DEPTOR: variants seen among roughly 807,000 people sequenced by gnomAD.
DEPTOR encodes DEP domain containing MTOR interacting protein.
In DEPTOR, 41 loss-of-function variants were observed where a neutral mutation model predicts 41.6. The observed-to-expected ratio is 0.98, with a 90% CI of 0.77 to 1.28. DEPTOR has a LOEUF of 1.28. DEPTOR is among the 50% of genes most tolerant of loss of function. The pLI is 0.00. For missense variants in DEPTOR, 514 were observed against 527.9 expected (o/e 0.97, Z 0.26); for synonymous variants, 195 against 192.3 (o/e 1.01, Z -0.12).
chr8:119,883,779 C>A (rs550593617), intron 1 of DEPTOR, among the ~76,000 whole-genome samples: 1 of 152,162 alleles, frequency 6.6e-6, no homozygotes, highest in Non-Finnish European at 1.5e-5. Context: ...GATATTTACC[C>A]GGAAGCTCTC....
chr8:119,960,680 G>A (rs547256767), intron 3 of DEPTOR, among the ~76,000 whole-genome samples: 1 of 152,238 alleles, frequency 6.6e-6, no homozygotes, highest in South Asian at 2.1e-4. Context: ...GCTGGGTAAG[G>A]ATACCATTAT....
chr8:119,901,496 G>A (rs995867951), intron 1 of DEPTOR, among the ~76,000 whole-genome samples: 4 of 151,974 alleles, frequency 2.6e-5, no homozygotes, highest in African/African-American at 9.7e-5. Flanking sequence ...CTAACACAGT[G>A]AAGCCCCATC....
At chr8:119,952,070 G>T (rs967599958) in intron 3 of DEPTOR, among the ~76,000 whole-genome samples, 9 of 152,248 alleles carry the variant, frequency 5.9e-5, no homozygotes, top group Admixed American at 5.2e-4. Context: ...AGGAGGTAGA[G>T]GTTGCAGTGA....
At chr8:119,983,528 G>A (rs926143830) in intron 4 of DEPTOR, among the ~76,000 whole-genome samples, 2 of 152,048 alleles carry the variant, frequency 1.3e-5, no homozygotes, top group Non-Finnish European at 2.9e-5. Context: ...GGGATTACAG[G>A]TGCCCGCCAC....
At chr8:119,876,840 C>T (rs74791077) in intron 1 of DEPTOR, among the ~76,000 whole-genome samples, 4,495 of 152,210 alleles carry the variant, frequency 0.03, 71 homozygotes, top group Non-Finnish European at 0.04. Flanking sequence ...TTGAAAAAGA[C>T]AATGAAGATG....
intron 7 of DEPTOR, among the ~76,000 whole-genome samples, chr8:120,008,643 A>T (rs1326374508): frequency 1.3e-5 from 2 of 152,004 alleles, no homozygotes; most frequent in Non-Finnish European, 2.9e-5. Context: ...GATACTGGGG[A>T]AAAGAACAAA....
At chr8:120,009,179 C>T (rs887758973) in intron 8 of DEPTOR, 46 bp downstream of exon 8, 1 of 1,537,156 alleles carries the variant, frequency 6.5e-7, no homozygotes, top group African/African-American at 1.4e-5. Flanking sequence ...GTCTTGGGTT[C>T]TTCATGCTAA....
At chr8:119,976,507 G>A (rs942812830) in intron 4 of DEPTOR, among the ~76,000 whole-genome samples, 16 of 152,080 alleles carry the variant, frequency 1.1e-4, no homozygotes, top group African/African-American at 3.9e-4. Flanking sequence ...AGCTTTCTTT[G>A]AATAGAAGCA....
chr8:119,955,459 A>AT (rs1219797270), intron 3 of DEPTOR, among the ~76,000 whole-genome samples: 5 of 150,564 alleles, frequency 3.3e-5, no homozygotes, highest in Non-Finnish European at 5.9e-5. Flanking sequence ...TTTTGACATA[A>AT]TTTTTTTCCT....
intron 1 of DEPTOR, among the ~76,000 whole-genome samples, chr8:119,900,667 A>G (rs914391575): frequency 6.6e-6 from 1 of 151,934 alleles, no homozygotes; most frequent in Non-Finnish European, 1.5e-5. Flanking sequence ...AGGATTACAG[A>G]TGTGAATCAG....
chr8:119,874,204 G>T (rs1464347812), intron 1 of DEPTOR: 1 of 589,388 alleles, frequency 1.7e-6, no homozygotes, highest in African/African-American at 2.0e-5. Flanking sequence ...CGGGTGGTGC[G>T]CGCTGCGCCC....
intron 4 of DEPTOR, among the ~76,000 whole-genome samples, chr8:119,966,069 T>G (rs2129970675): frequency 6.6e-6 from 1 of 152,360 alleles, no homozygotes; most frequent in East Asian, 1.9e-4. Flanking sequence ...TTCATCATTA[T>G]TCCCTAAACA....
At chr8:119,933,083 G>A (rs984832143) in intron 3 of DEPTOR, among the ~76,000 whole-genome samples, 3 of 152,004 alleles carry the variant, frequency 2.0e-5, no homozygotes, top group Admixed American at 6.6e-5. Context: ...GAGGGAGTGG[G>A]GAAGTGGCAA....
At chr8:120,031,194 C>T (rs1382892068) in intron 8 of DEPTOR, among the ~76,000 whole-genome samples, 2 of 151,918 alleles carry the variant, frequency 1.3e-5, no homozygotes, top group Non-Finnish European at 2.9e-5. Flanking sequence ...AAGCCAGGCA[C>T]AGTGGCTCAT....
At chr8:119,924,831 G>A (rs9297607) in intron 1 of DEPTOR, among the ~76,000 whole-genome samples, 42,816 of 151,888 alleles carry the variant, frequency 0.28, 6,464 homozygotes, top group Middle Eastern at 0.39. Context: ...AGATTATTTC[G>A]CCACCCAGGT....
intron 4 of DEPTOR, among the ~76,000 whole-genome samples, chr8:119,977,288 C>T (rs535887057): frequency 6.6e-6 from 1 of 152,136 alleles, no homozygotes; most frequent in Admixed American, 6.6e-5. Context: ...CAGGCATGAG[C>T]CACTGCACAT....
chr8:119,902,476 A>T (rs1827607497), intron 1 of DEPTOR, among the ~76,000 whole-genome samples: 1 of 152,000 alleles, frequency 6.6e-6, no homozygotes, highest in African/African-American at 2.4e-5. Context: ...AGTAGCTGGG[A>T]CTACAGGCAT....
intron 3 of DEPTOR, among the ~76,000 whole-genome samples, chr8:119,961,234 T>C (rs1828486952): frequency 6.6e-6 from 1 of 151,752 alleles, no homozygotes; most frequent in East Asian, 2.0e-4. Context: ...CTGATGAGCA[T>C]GGAGAAACCC....
At chr8:119,999,838 A>G (rs1026630507) in intron 4 of DEPTOR, among the ~76,000 whole-genome samples, 29 of 152,190 alleles carry the variant, frequency 1.9e-4, no homozygotes, top group African/African-American at 7.0e-4. Context: ...GAGGCCATAG[A>G]GGGGAAACAC....
Sources: allele counts gnomAD v4.1 joint callset (sites outside exome capture counted in the v4.1 genomes callset), GRCh38; gene constraint gnomAD v4.1.1; transcripts MANE v1.5; gene names NCBI Gene and HGNC (gene_info 2026-07-23, HGNC 2026-07-21).